Variants in CSMD1 observed in about 807,000 individuals in gnomAD.
CSMD1 encodes the protein CUB and Sushi multiple domains 1.
CSMD1 carries 213 observed loss-of-function variants against 417.5 expected under a neutral mutation model. The observed-to-expected ratio is 0.51, with a 90% CI of 0.46 to 0.57. The LOEUF is 0.57. Among genes scored for constraint, CSMD1 ranks in the 20% least tolerant of loss-of-function variants. CSMD1 has a pLI of 0.00. For missense variants in CSMD1, 6,923 were observed against 4,529.7 expected, an observed-to-expected ratio of 1.53 and a Z score of -15.17; for synonymous variants, 2,862 against 1,736.8, an observed-to-expected ratio of 1.65 and a Z score of -16.11.
At chr8:3,273,970 C>G (rs1183819140) in intron 26 of CSMD1, among the ~76,000 whole-genome samples, 1 of 151,556 alleles carries the variant, frequency 6.6e-6, no homozygotes, top group Non-Finnish European at 1.5e-5. Flanking sequence ...CTTCTGCTAG[C>G]TTTTGAATGT....
intron 5 of CSMD1, among the ~76,000 whole-genome samples, chr8:3,946,310 C>T (rs150043039): frequency 2.0e-5 from 3 of 152,220 alleles, no homozygotes; most frequent in East Asian, 3.9e-4. Context: ...AGTGTTATCT[C>T]TTCTTTACGG....
chr8:3,736,459 T>C (rs1796525525), intron 6 of CSMD1, among the ~76,000 whole-genome samples: 2 of 152,036 alleles, frequency 1.3e-5, no homozygotes, highest in Admixed American at 1.3e-4. Context: ...GGTCCAGGCT[T>C]GTCTCGAAAT....
At chr8:4,121,412 T>G (rs1013513716) in intron 3 of CSMD1, among the ~76,000 whole-genome samples, 1 of 152,130 alleles carries the variant, frequency 6.6e-6, no homozygotes, top group Non-Finnish European at 1.5e-5. Flanking sequence ...TCAATGTATT[T>G]TTCATTACAG....
At chr8:4,172,254 G>A (rs117818347) in intron 3 of CSMD1, among the ~76,000 whole-genome samples, 1 of 152,104 alleles carries the variant, frequency 6.6e-6, no homozygotes, top group South Asian at 2.1e-4. Flanking sequence ...CTGAACAAAT[G>A]AATGTCTGGA....
chr8:3,765,894 G>C (rs1171049163), intron 5 of CSMD1, among the ~76,000 whole-genome samples: 6 of 152,228 alleles, frequency 3.9e-5, no homozygotes, highest in Non-Finnish European at 7.3e-5. Flanking sequence ...TAGGGTATGA[G>C]AGTCCATCTC....
At chr8:4,186,299 G>C (rs573036881) in intron 3 of CSMD1, among the ~76,000 whole-genome samples, 1 of 152,086 alleles carries the variant, frequency 6.6e-6, no homozygotes, top group African/African-American at 2.4e-5. Flanking sequence ...CGTGTTCAAG[G>C]TTGGGGGCAG....
At chr8:4,763,395 A>C (rs1812244092) in intron 1 of CSMD1, among the ~76,000 whole-genome samples, 1 of 152,176 alleles carries the variant, frequency 6.6e-6, no homozygotes, top group Non-Finnish European at 1.5e-5. Context: ...TAGGCAGTTA[A>C]TTCAGTCTGT....
chr8:4,208,519 T>C (rs1344111960), intron 3 of CSMD1, among the ~76,000 whole-genome samples: 1 of 152,226 alleles, frequency 6.6e-6, no homozygotes, highest in Non-Finnish European at 1.5e-5. Flanking sequence ...TGATATACCA[T>C]AAGAACAGAT....
At chr8:3,467,656 C>G (rs549470469) in intron 12 of CSMD1, among the ~76,000 whole-genome samples, 5 of 152,318 alleles carry the variant, frequency 3.3e-5, no homozygotes, top group Admixed American at 3.3e-4. Flanking sequence ...GGGGTGGGCC[C>G]ACACACCAAG....
chr8:3,167,686 G>C (rs1330159255), intron 37 of CSMD1, among the ~76,000 whole-genome samples: 1 of 152,146 alleles, frequency 6.6e-6, no homozygotes, highest in African/African-American at 2.4e-5. Context: ...TGAAAGCAAA[G>C]AATCTAAAAC....
At chr8:3,393,202 A>G (rs575989294) in intron 17 of CSMD1, among the ~76,000 whole-genome samples, 18 of 152,284 alleles carry the variant, frequency 1.2e-4, no homozygotes, top group South Asian at 2.1e-4. Context: ...CACTATATGC[A>G]AGTCTAGATG....
intron 2 of CSMD1, among the ~76,000 whole-genome samples, chr8:4,464,789 G>A (rs951351189): frequency 3.9e-5 from 6 of 152,196 alleles, no homozygotes; most frequent in African/African-American, 1.4e-4. Context: ...GCTGGGCTGA[G>A]AGATCAAGAA....
At chr8:4,007,937 C>G (rs557921334) in intron 4 of CSMD1, among the ~76,000 whole-genome samples, 73 of 152,228 alleles carry the variant, frequency 4.8e-4, no homozygotes, top group Non-Finnish European at 5.3e-4. Flanking sequence ...GCCTCAAGAA[C>G]TCTTAATAGA....
intron 5 of CSMD1, among the ~76,000 whole-genome samples, chr8:3,771,898 A>C (rs1407872162): frequency 6.6e-6 from 1 of 152,056 alleles, no homozygotes; most frequent in Non-Finnish European, 1.5e-5. Context: ...TCTGACCCAG[A>C]TATGAGCAGG....
At chr8:2,966,821 G>A in intron 57 of CSMD1, 75 bp from the exon 58 acceptor site, 1 of 1,359,084 alleles carries the variant, frequency 7.4e-7, no homozygotes. Flanking sequence ...AGAGACCAAT[G>A]GGTATCAGTG....
intron 12 of CSMD1, among the ~76,000 whole-genome samples, chr8:3,463,346 A>G (rs1253408179): frequency 6.6e-6 from 1 of 152,188 alleles, no homozygotes; most frequent in East Asian, 1.9e-4. Context: ...AAGCCCTTGG[A>G]AAAAAATGTT....
intron 5 of CSMD1, among the ~76,000 whole-genome samples, chr8:3,989,179 T>C (rs570422772): frequency 2.0e-5 from 3 of 152,340 alleles, no homozygotes; most frequent in African/African-American, 7.2e-5. Context: ...TCATTTGCTC[T>C]AGTTAGCAGC....
chr8:4,939,707 T>A (rs118017744), intron 1 of CSMD1, among the ~76,000 whole-genome samples: 3,360 of 152,220 alleles, frequency 0.022, 44 homozygotes, highest in South Asian at 0.037. Context: ...GGACAAGGAA[T>A]AATTTCAAGT....
intron 3 of CSMD1, among the ~76,000 whole-genome samples, chr8:4,047,363 C>G (rs1798200345): frequency 3.3e-5 from 5 of 152,080 alleles, no homozygotes; most frequent in Admixed American, 3.3e-4. Flanking sequence ...AACGGTCCTG[C>G]TCATGGAATA....
Sources: allele counts gnomAD v4.1 joint callset (sites outside exome capture counted in the v4.1 genomes callset), GRCh38; gene constraint gnomAD v4.1.1; transcripts MANE v1.5; gene names NCBI Gene and HGNC (gene_info 2026-07-23, HGNC 2026-07-21).